The following CDKL1 variants were observed in gnomAD, a reference collection of about 807,000 sequenced individuals.
CDKL1 encodes the protein cyclin dependent kinase like 1.
CDKL1 carries 41 observed loss-of-function variants against 42.0 expected under a neutral mutation model. That is an observed-to-expected ratio of 0.98 (90% CI 0.76 to 1.27). The LOEUF is 1.27. Among genes scored for constraint, CDKL1 ranks in the 50% most tolerant of loss-of-function variants. The pLI, the probability that CDKL1 is intolerant of heterozygous loss-of-function variation, is 0.00. For missense variants in CDKL1, 394 were observed against 428.4 expected (o/e 0.92, Z 0.71); for synonymous variants, 153 against 158.6 (o/e 0.96, Z 0.26).
intron 2 of CDKL1, among the ~76,000 whole-genome samples, chr14:50,379,143 C>T (rs1051758020): frequency 6.6e-6 from 1 of 152,178 alleles, no homozygotes; most frequent in Non-Finnish European, 1.5e-5. Context: ...TGAGCCACAG[C>T]ACACAGGAGA....
intron 4 of CDKL1, among the ~76,000 whole-genome samples, chr14:50,343,700 G>A (rs2033631761): frequency 6.6e-6 from 1 of 152,158 alleles, no homozygotes; most frequent in Non-Finnish European, 1.5e-5. Flanking sequence ...CCAGGGAACT[G>A]TGGTATGCAT....
chr14:50,343,155 C>CTTTA, intron 4 of CDKL1: 1 of 292,524 alleles, frequency 3.4e-6, no homozygotes, highest in Admixed American at 6.3e-5. Flanking sequence ...TTAAGAGTTA[C>CTTTA]TTTTTTTTTT....
intron 3 of CDKL1, among the ~76,000 whole-genome samples, chr14:50,354,578 G>C (rs2034001375): frequency 6.6e-6 from 1 of 152,186 alleles, no homozygotes; most frequent in African/African-American, 2.4e-5. Flanking sequence ...TAGAATAATA[G>C]ATACAAAGTT....
chr14:50,393,810 G>A lies in CDKL1; in HGVS notation c.168+1891C>T, dbSNP rs530146293. ...GGGGTGCTGCATGCTTTGAAATCAG[G>A]CTCATGTGTACACAACCCCATCCTT... On this transcript the variant is annotated intron_variant, in intron 2 of 9. Transcript: ENST00000395834. Among the ~76,000 whole-genome samples, 9 of 152,276 alleles carry A rather than the reference G, an allele frequency of 5.9e-5. No individual in the cohort carries two copies. In the East Asian group the frequency reaches 1.7e-3, roughly 29 times the overall value.
At chr14:50,382,562 C>T (rs79320759) in intron 2 of CDKL1, among the ~76,000 whole-genome samples, 77 of 86,820 alleles carry the variant, frequency 8.9e-4, no homozygotes, top group African/African-American at 2.7e-3. Context: ...CCTTCCTTCC[C>T]TCCCTCCCTC....
intron 7 of CDKL1, among the ~76,000 whole-genome samples, chr14:50,335,295 CAAAAAAAAAAAA>C (rs55777134): frequency 4.1e-4 from 22 of 54,300 alleles, no homozygotes; most frequent in African/African-American, 1.3e-3. Context: ...GACCCTGTCT[CAAAAAAAAAAAA>C]AAAAAAAAAA....
At chr14:50,366,282 T>C (rs1284516894) in intron 2 of CDKL1, among the ~76,000 whole-genome samples, 2 of 152,180 alleles carry the variant, frequency 1.3e-5, no homozygotes, top group Non-Finnish European at 2.9e-5. Context: ...GAGCCGAGTC[T>C]AGAGGGTAAA....
At position 50,341,181 on chromosome 14, in the gene CDKL1, G is replaced by T; in HGVS notation, c.506C>A (p.Ser169Tyr). The T allele has an allele frequency of 6.2e-7, 1 of 1,614,164 alleles. No homozygotes were observed. Among genetic ancestry groups the T allele is most frequent in the South Asian group, 1.1e-5 (1 of 91,070 alleles). Reference sequence around the variant, plus strand: ...CGTGTCCCCCACCAGCAGCTCAGGGGAGCGGTACCACCTGGTAGCCACGTA... The same window carrying T: ...CGTGTCCCCCACCAGCAGCTCAGGGTAGCGGTACCACCTGGTAGCCACGTA... The part of the protein sequence containing the change: ...TDYVATRWYR[S>Y]PELLVGDTQY... Residue 169 changes from serine (S) to tyrosine (Y), a missense_variant, in exon 6 of 10, where the codon TCC (serine) becomes TAC (tyrosine). By Grantham distance (144) the Ser-to-Tyr change is moderately radical. Transcript: ENST00000395834.
At chr14:50,346,596 A>G (rs956397152) in intron 3 of CDKL1, among the ~76,000 whole-genome samples, 4 of 151,408 alleles carry the variant, frequency 2.6e-5, no homozygotes, top group Non-Finnish European at 4.4e-5. Context: ...AGTAGCCTCT[A>G]CATTTTGTCC....
At chr14:50,358,939 C>A (rs1011791613) in intron 3 of CDKL1, 89 bp downstream of exon 3, 29 of 1,355,760 alleles carry the variant, frequency 2.1e-5, no homozygotes, top group African/African-American at 1.4e-5. Context: ...TGCACCCGGC[C>A]TTACCTAGTC....
chr14:50,359,779 G>A (rs1457088422), intron 2 of CDKL1, among the ~76,000 whole-genome samples: 1 of 120,704 alleles, frequency 8.3e-6, no homozygotes, highest in Non-Finnish European at 1.6e-5. Context: ...TGATATGCCT[G>A]AAAATGTGTG....
At chr14:50,384,764 T>C (rs1279516983) in intron 2 of CDKL1, among the ~76,000 whole-genome samples, 2 of 151,846 alleles carry the variant, frequency 1.3e-5, no homozygotes, top group Non-Finnish European at 1.5e-5. Context: ...CAATAACTGT[T>C]TTACATCACC....
At chr14:50,330,859 C>T (rs1420944729) in intron 9 of CDKL1, 4 of 152,186 alleles carry the variant, frequency 2.6e-5, no homozygotes, top group African/African-American at 9.7e-5. Flanking sequence ...CTTTTACTTT[C>T]TAGAAAAAAA....
At chr14:50,334,528 G>T in intron 8 of CDKL1, 37 bp downstream of exon 8, 1 of 1,185,634 alleles carries the variant, frequency 8.4e-7, no homozygotes, top group Non-Finnish European at 1.3e-6. Flanking sequence ...GACAACTGCT[G>T]TGTGCTTCCT....
At chr14:50,370,294 C>T (rs192097083) in intron 2 of CDKL1, among the ~76,000 whole-genome samples, 1 of 152,278 alleles carries the variant, frequency 6.6e-6, no homozygotes, top group African/African-American at 2.4e-5. Context: ...GCCTCAAGCT[C>T]CTGACCTCAG....
rs960221216 is a variant in CDKL1 at position 50,327,977 on chromosome 14, C to T, written c.*2097G>A. 1 of 151,764 alleles carries T rather than the reference C, an allele frequency of 6.6e-6. No individual in the cohort carries two copies. The highest frequency in any genetic ancestry group is 2.4e-5 in the African/African-American group (1 of 41,308). 9.4% of individuals were successfully genotyped at this position (151,764 alleles called of 1,614,324 possible). On this transcript the variant is annotated 3_prime_UTR_variant, in exon 10 of 10. Transcript: ENST00000395834. Reference sequence around the variant, plus strand: ...ATGTGATACAGTGGAGATTTCATACCGAATAAAAGCATTATAAATATGGTT... The same window carrying T: ...ATGTGATACAGTGGAGATTTCATACTGAATAAAAGCATTATAAATATGGTT...
At chr14:50,369,608 GCA>G (rs34614605) in intron 2 of CDKL1, among the ~76,000 whole-genome samples, 91,560 of 143,796 alleles carry the variant, frequency 0.64, 29,282 homozygotes, top group African/African-American at 0.73. Context: ...ATACACACAT[GCA>G]CACACACACA....
Position 50,326,750 on chromosome 14 carries a change from A to G in CDKL1, c.*3324T>C. On this transcript the variant is annotated 3_prime_UTR_variant, in exon 10 of 10. Transcript: ENST00000395834. The stretch of plus-strand genomic sequence containing the variant: ...GCTTAGGTTTTTCTTGAAACCTAAC[A>G]TTGCTTTAGGCTGGGTGCCGTGGCT... 1 of 985,400 alleles carries G rather than the reference A, an allele frequency of 1.0e-6. No individual in the cohort carries two copies. Among genetic ancestry groups the G allele is most frequent in the Non-Finnish European group, 1.2e-6 (1 of 829,900 alleles). The allele number at this position is 985,400 out of a possible 1,614,324, so 61.0% of individuals were successfully genotyped here.
rs773184833 is a variant in CDKL1, at chr14:50,334,555, T to C, written c.795+10A>G. On this transcript the variant is annotated intron_variant, in intron 8 of 9. Transcript: ENST00000395834. ...GTGCTTCCTGGTCTGTTGGAAGCCA[T>C]GATTTTTACCTTTAGGAGCCCCAGG... is the stretch of plus-strand genomic sequence containing the variant. 7.8e-6 allele frequency: 12 copies of C among 1,547,624 alleles called. No individual in the cohort carries two copies. Among genetic ancestry groups the C allele is most frequent in the African/African-American group, 6.8e-5 (5 of 73,502 alleles).
Sources: gnomAD v4.1 joint callset for allele counts (sites outside exome capture counted in the v4.1 genomes callset) on GRCh38, gnomAD v4.1.1 for gene constraint, MANE v1.5 for transcripts, NCBI Gene and HGNC (gene_info 2026-07-23, HGNC 2026-07-21) for gene names.